The following RYR3 variants were observed in gnomAD, a reference collection of about 807,000 sequenced individuals.
The protein encoded by RYR3 is brain ryanodine receptor-calcium release channel.
RYR3 carries 207 observed loss-of-function variants against 584.3 expected under a neutral mutation model. That is an observed-to-expected ratio of 0.35 (90% CI 0.32 to 0.40). The LOEUF (loss-of-function observed/expected upper bound fraction) is 0.40, where lower values mean the gene tolerates loss of function less well. Ranked by LOEUF, RYR3 falls within the 10% of genes least tolerant of loss-of-function variation. The pLI is 1.00. For missense variants in RYR3, 5,616 were observed against 6,089.2 expected, an observed-to-expected ratio of 0.92 and a Z score of 2.59; for synonymous variants, 2,416 against 2,248.5, an observed-to-expected ratio of 1.07 and a Z score of -2.11.
Position 33,750,042 on chromosome 15 carries a change from C to G in RYR3, c.8263C>G (p.Leu2755Val). ...NIWAKKKKLE[L>V]ESKGGGSHPL... ...CTGGGCCAAGAAGAAGAAGCTGGAGCTGGAGAGCAAAGGTGAGTGAGGTTC... is the reference window on the plus strand; with the variant it reads ...CTGGGCCAAGAAGAAGAAGCTGGAGGTGGAGAGCAAAGGTGAGTGAGGTTC... The change falls in exon 56 of 104, where the codon CTG becomes GTG. Residue 2755 changes from leucine (L) to valine (V), a missense_variant. Physicochemically the swap from Leu to Val is conservative, Grantham distance 32. This residue lies in a region of RYR3 where 1,280 missense variants were observed against 1,426.2 expected (regional missense o/e 0.90). Coordinates refer to ENST00000634891, the MANE Select transcript of RYR3 (RefSeq NM_001036.6). 6.2e-7 allele frequency: 1 copy of G among 1,611,778 alleles called. No individual in the cohort carries two copies. The highest frequency in any genetic ancestry group is 8.5e-7 in the Non-Finnish European group (1 of 1,179,094).
In RYR3 at chr15:33,652,896, T is replaced by A; in HGVS notation, c.4308+13T>A. ...CACCTGCTACCAGGTAAGGGCGGCT[T>A]CTGGGGCCGAAACAGGGCTATCCCA... On this transcript the variant is annotated intron_variant, in intron 32 of 103. Coordinates refer to ENST00000634891, the MANE Select transcript of RYR3 (RefSeq NM_001036.6). 6.2e-7 allele frequency: 1 copy of A among 1,600,812 alleles called. No individual in the cohort carries two copies. Among genetic ancestry groups the A allele is most frequent in the African/African-American group, 1.3e-5 (1 of 74,352 alleles).
At chr15:33,716,856 G>T (rs1211229184) in intron 43 of RYR3, among the ~76,000 whole-genome samples, 1 of 92,010 alleles carries the variant, frequency 1.1e-5, no homozygotes, top group East Asian at 3.6e-4. Context: ...AATAAAACTA[G>T]AATTAAGCTG....
At chr15:33,564,127 C>G (rs111700201) in intron 11 of RYR3, among the ~76,000 whole-genome samples, 3 of 152,176 alleles carry the variant, frequency 2.0e-5, no homozygotes, top group African/African-American at 7.2e-5. Flanking sequence ...GGCATGGGAT[C>G]TTGCATTAGC....
Position 33,539,470 on chromosome 15 carries a change from C to A in RYR3, c.546+8C>A. 1.3e-6 allele frequency: 2 copies of A among 1,525,332 alleles called. No individual in the cohort carries two copies. The highest frequency in any genetic ancestry group is 1.2e-5 in the South Asian group (1 of 84,806). The allele number at this position is 1,525,332 out of a possible 1,614,324, so 94.5% of individuals were successfully genotyped here. ...TCCTCTGAAAGATACCTTGTAAGTA[C>A]CTCATAATATAAGAGTCTTCTGTTT... is the stretch of plus-strand genomic sequence containing the variant. On this transcript the variant is annotated splice_region_variant and intron_variant, in intron 6 of 103. Transcript: ENST00000634891.
intron 5 of RYR3, among the ~76,000 whole-genome samples, chr15:33,538,276 T>A (rs1175645927): frequency 6.6e-6 from 1 of 152,104 alleles, no homozygotes; most frequent in Non-Finnish European, 1.5e-5. Context: ...CTGAGGCTTG[T>A]TGTCTGTTAA....
chr15:33,320,028 T>C (rs1278085513), intron 1 of RYR3, among the ~76,000 whole-genome samples: 1 of 152,052 alleles, frequency 6.6e-6, no homozygotes, highest in East Asian at 1.9e-4. Context: ...TACGTTCAAA[T>C]AAAAAAATTC....
chr15:33,707,132 T>C, intron 43 of RYR3, 78 bp downstream of exon 43: 19 of 1,497,352 alleles, frequency 1.3e-5, no homozygotes, highest in Non-Finnish European at 1.7e-5. Context: ...AGGATATCCT[T>C]TCCATTGCTT....
intron 2 of RYR3, among the ~76,000 whole-genome samples, chr15:33,486,393 T>C (rs1043987807): frequency 3.3e-5 from 5 of 152,132 alleles, no homozygotes; most frequent in Non-Finnish European, 7.4e-5. Context: ...GTGGCTTTTT[T>C]CTCTGTGCAC....
chr15:33,780,282 C>G lies in RYR3; in HGVS notation c.9209C>G (p.Thr3070Ser), dbSNP rs770021067. 3 of 1,613,912 alleles carry G rather than the reference C, an allele frequency of 1.9e-6. No homozygotes were observed. The highest frequency in any genetic ancestry group is 2.2e-5 in the South Asian group (2 of 91,068). ...ATACCAGTGGCATTCCTGGAGCCCA[C>G]CCTTAATCGCTACAATCCACTCTCG... ...AAIPVAFLEP[T>S]LNRYNPLSVF... is the part of the protein sequence containing the mutation. The change falls in exon 65 of 104, where the codon ACC becomes AGC. Residue 3070 changes from threonine to serine, a missense_variant. By Grantham distance (58) the Thr-to-Ser change is moderately conservative. Around this residue, in one of 9 missense-constraint regions of RYR3, gnomAD observed 954 missense variants for 1,132.2 expected, o/e 0.84. Coordinates refer to ENST00000634891, the MANE Select transcript of RYR3 (RefSeq NM_001036.6).
chr15:33,629,370 T>G (rs1747032943), intron 21 of RYR3, among the ~76,000 whole-genome samples: 1 of 152,230 alleles, frequency 6.6e-6, no homozygotes, highest in Non-Finnish European at 1.5e-5. Flanking sequence ...TTTTGAAGAT[T>G]AGTGTGGGGG....
Position 33,572,688 on chromosome 15 carries a change from C to CACACACACACACATAT in RYR3, c.1268+5891_1268+5892insACACACACACATATAC, listed in dbSNP as rs368204203. On this transcript the variant is annotated intron_variant, in intron 12 of 103. Transcript: ENST00000634891. ...ACACACACACACACACACACACACA[C>CACACACACACACATAT]ACTGGGCTGGGCACAATGGCTCACG... Among the ~76,000 whole-genome samples the CACACACACACACATAT allele has an allele frequency of 4.7e-3, 619 of 131,394 alleles. 16 individuals are homozygous for CACACACACACACATAT. The highest frequency in any genetic ancestry group is 0.028 in the Admixed American group (336 of 12,004). 86.2% of individuals were successfully genotyped at this position (131,394 alleles called of 152,430 possible). A position where few individuals can be genotyped will look rare whatever the true frequency, so the allele number is the denominator to read the frequency against.
chr15:33,318,290 G>C (rs1968478740), intron 1 of RYR3, among the ~76,000 whole-genome samples: 1 of 152,242 alleles, frequency 6.6e-6, no homozygotes, highest in South Asian at 2.1e-4. Context: ...GTGTAGAGAT[G>C]AAAGTCTGGG....
At chr15:33,632,322 A>G (rs1033442399) in intron 23 of RYR3, among the ~76,000 whole-genome samples, 4 of 152,226 alleles carry the variant, frequency 2.6e-5, no homozygotes, top group African/African-American at 4.8e-5. Flanking sequence ...AGTGTGCCCT[A>G]GTCTTCTGCA....
At chr15:33,433,813 T>C (rs962256737) in intron 1 of RYR3, among the ~76,000 whole-genome samples, 1 of 152,214 alleles carries the variant, frequency 6.6e-6, no homozygotes, top group Admixed American at 6.5e-5. Flanking sequence ...ACCTCATCCA[T>C]ATTTTTAAGT....
intron 3 of RYR3, among the ~76,000 whole-genome samples, chr15:33,504,322 G>C (rs1446897618): frequency 6.6e-6 from 1 of 152,204 alleles, no homozygotes; most frequent in East Asian, 1.9e-4. Context: ...TTTTGGGCAA[G>C]ACTTTGGCCA....
chr15:33,859,375 T>G (rs2080091052), intron 99 of RYR3, among the ~76,000 whole-genome samples, 200 bp from the exon 100 acceptor site: 1 of 152,234 alleles, frequency 6.6e-6, no homozygotes. Context: ...AACGACAGTC[T>G]TTCCATCTTT....
At chr15:33,354,334 G>A (rs1973674721) in intron 1 of RYR3, among the ~76,000 whole-genome samples, 1 of 152,112 alleles carries the variant, frequency 6.6e-6, no homozygotes, top group Admixed American at 6.5e-5. Context: ...TTGGAATCTG[G>A]TCTGCCCTCC....
At chr15:33,704,345 T>C (rs746061783) in intron 42 of RYR3, among the ~76,000 whole-genome samples, 2 of 151,010 alleles carry the variant, frequency 1.3e-5, no homozygotes, top group Non-Finnish European at 2.9e-5. Context: ...TAACTTACGG[T>C]TAACTTTAAT....
rs3084422 is a variant in RYR3, at chr15:33,477,575, TA to T, written c.171+4055del. Among the ~76,000 whole-genome samples, 382 of 116,394 alleles carry T rather than the reference TA, an allele frequency of 3.3e-3. 2 individuals carry two copies. Among genetic ancestry groups the T allele is most frequent in the Middle Eastern group, 0.025 (5 of 202 alleles). 76.4% of individuals were successfully genotyped at this position (116,394 alleles called of 152,430 possible). A position where few individuals can be genotyped will look rare whatever the true frequency, so the allele number is the denominator to read the frequency against. ...GGAATTTAAAGGTATCTTGTTTTGT[TA>T]AAAAAAAAAAAAAAAAAGGCTGGGC... On this transcript the variant is annotated intron_variant, in intron 2 of 103. Coordinates refer to ENST00000634891, the MANE Select transcript of RYR3 (RefSeq NM_001036.6).
Sources: allele counts gnomAD v4.1 joint callset (sites outside exome capture counted in the v4.1 genomes callset), GRCh38; gene constraint gnomAD v4.1.1; regional missense constraint gnomAD v4.1.1; transcripts MANE v1.5; gene names NCBI Gene and HGNC (gene_info 2026-07-23, HGNC 2026-07-21).